The following PTPRD variants were observed in gnomAD, a reference collection of about 807,000 sequenced individuals.
PTPRD encodes the protein protein tyrosine phosphatase receptor type D.
Under a neutral mutation model 214.5 loss-of-function variants are expected in PTPRD, and 34 were observed. The observed-to-expected ratio is 0.16, with a 90% CI of 0.12 to 0.21. The LOEUF (loss-of-function observed/expected upper bound fraction) is 0.21. PTPRD is among the 10% of genes least tolerant of loss of function. The pLI, the probability that PTPRD is intolerant of heterozygous loss-of-function variation, is 1.00. For synonymous variants in PTPRD, 1,128 were observed against 845.7 expected (o/e 1.33, Z -5.79); for missense variants, 2,545 against 2,398.7 (o/e 1.06, Z -1.27).
chr9:10,183,519 G>C (rs547537339), intron 3 of PTPRD, among the ~76,000 whole-genome samples: 1 of 152,216 alleles, frequency 6.6e-6, no homozygotes, highest in African/African-American at 2.4e-5. Context: ...ATCAGCATGA[G>C]GAATTATTTA....
At chr9:8,506,479 A>T (rs1168340780) in intron 22 of PTPRD, among the ~76,000 whole-genome samples, 1 of 152,178 alleles carries the variant, frequency 6.6e-6, no homozygotes, top group Non-Finnish European at 1.5e-5. Context: ...AGTAGACCCT[A>T]ACCGTTAACA....
intron 35 of PTPRD, among the ~76,000 whole-genome samples, chr9:8,421,451 G>C (rs549834283): frequency 6.6e-6 from 1 of 151,260 alleles, no homozygotes; most frequent in Non-Finnish European, 1.5e-5. Flanking sequence ...CTAGTCACAG[G>C]AATATCCTGA....
At chr9:9,553,874 G>C (rs542003683) in intron 8 of PTPRD, among the ~76,000 whole-genome samples, 1 of 151,944 alleles carries the variant, frequency 6.6e-6, no homozygotes, top group South Asian at 2.1e-4. Flanking sequence ...GCTGATTATT[G>C]GGCCCTACTG....
At chr9:8,793,185 A>G (rs922695044) in intron 11 of PTPRD, among the ~76,000 whole-genome samples, 5 of 152,162 alleles carry the variant, frequency 3.3e-5, no homozygotes, top group African/African-American at 1.2e-4. Flanking sequence ...ATGCCATACA[A>G]TGATGGTATG....
At chr9:9,071,981 C>G (rs2099744400) in intron 10 of PTPRD, among the ~76,000 whole-genome samples, 1 of 152,070 alleles carries the variant, frequency 6.6e-6, no homozygotes, top group African/African-American at 2.4e-5. Context: ...ACACATCACA[C>G]CCCTTCCTCA....
At chr9:9,101,735 C>A (rs1256226523) in intron 10 of PTPRD, among the ~76,000 whole-genome samples, 1 of 152,124 alleles carries the variant, frequency 6.6e-6, no homozygotes, top group Admixed American at 6.5e-5. Context: ...GAGTTATTCC[C>A]AAATACCCAT....
At chr9:10,231,979 A>AGTGT (rs1211615913) in intron 3 of PTPRD, among the ~76,000 whole-genome samples, 9 of 115,142 alleles carry the variant, frequency 7.8e-5, no homozygotes, top group South Asian at 2.8e-4. Context: ...AGAGAGAGAG[A>AGTGT]GAGAGAGAGA....
chr9:9,251,390 T>C (rs1256058952), intron 9 of PTPRD, among the ~76,000 whole-genome samples: 1 of 152,136 alleles, frequency 6.6e-6, no homozygotes, highest in Non-Finnish European at 1.5e-5. Flanking sequence ...CCTATACATA[T>C]TCATACATAC....
chr9:9,696,653 T>A (rs1005060272), intron 7 of PTPRD, among the ~76,000 whole-genome samples: 2 of 152,208 alleles, frequency 1.3e-5, no homozygotes, highest in African/African-American at 2.4e-5. Context: ...TTGCATAAAC[T>A]ATCTTATTCC....
At chr9:10,442,333 G>A (rs1326097617) in intron 2 of PTPRD, among the ~76,000 whole-genome samples, 1 of 151,632 alleles carries the variant, frequency 6.6e-6, no homozygotes. Context: ...TTTCTGAATA[G>A]GTTTTAGTAG....
At chr9:8,717,919 C>A (rs1208518414) in intron 12 of PTPRD, among the ~76,000 whole-genome samples, 1 of 152,180 alleles carries the variant, frequency 6.6e-6, no homozygotes, top group African/African-American at 2.4e-5. Context: ...CTACCTCCTG[C>A]CCTGAATTCC....
intron 2 of PTPRD, among the ~76,000 whole-genome samples, chr9:10,412,976 G>A (rs2098452722): frequency 6.6e-6 from 1 of 151,752 alleles, no homozygotes; most frequent in Admixed American, 6.6e-5. Flanking sequence ...AATAATAAAA[G>A]CCACCCATGG....
At chr9:10,073,521 A>T (rs1220410878) in intron 3 of PTPRD, among the ~76,000 whole-genome samples, 2 of 152,180 alleles carry the variant, frequency 1.3e-5, no homozygotes, top group Admixed American at 1.3e-4. Flanking sequence ...AATAAATCCC[A>T]GTAAGCATGC....
intron 4 of PTPRD, among the ~76,000 whole-genome samples, chr9:9,982,175 T>C (rs1294913384): frequency 1.3e-5 from 2 of 152,310 alleles, no homozygotes; most frequent in East Asian, 3.9e-4. Context: ...AATACAGATC[T>C]GTGCCAAGAA....
intron 10 of PTPRD, among the ~76,000 whole-genome samples, chr9:9,086,739 G>C (rs1185856373): frequency 1.3e-5 from 2 of 152,058 alleles, no homozygotes; most frequent in Non-Finnish European, 2.9e-5. Context: ...ATTTGGGCTG[G>C]ATAAAAGCAT....
At chr9:10,450,840 TG>T (rs1249702529) in intron 2 of PTPRD, among the ~76,000 whole-genome samples, 1 of 151,924 alleles carries the variant, frequency 6.6e-6, no homozygotes, top group Non-Finnish European at 1.5e-5. Context: ...TGTTATTATT[TG>T]GGGGGCACTT....
Position 8,484,397 on chromosome 9 carries a change from T to TAAAA in PTPRD, c.3154-23_3154-20dup. 6.8e-7 allele frequency: 1 copy of TAAAA among 1,461,722 alleles called. No homozygotes were observed. The highest frequency in any genetic ancestry group is 9.2e-7 in the Non-Finnish European group (1 of 1,081,902). The allele number at this position is 1,461,722 out of a possible 1,614,324, so 90.5% of individuals were successfully genotyped here. ...AAAGAATCTAAAGAGATAAAACCAA[T>TAAAA]AAAAAAAAAATCTGGTTATCAGAGA... On this transcript the variant is annotated intron_variant, in intron 29 of 45. Coordinates refer to ENST00000381196, the MANE Select transcript of PTPRD (RefSeq NM_002839.4).
chr9:10,325,260 T>TTGTTA (rs1224933265), intron 3 of PTPRD, among the ~76,000 whole-genome samples: 6 of 151,952 alleles, frequency 3.9e-5, no homozygotes, highest in African/African-American at 1.4e-4. Context: ...GCTGCTACTA[T>TTGTTA]TGTTATGCTG....
chr9:9,530,916 G>T (rs1354264901), intron 8 of PTPRD, among the ~76,000 whole-genome samples: 1 of 152,080 alleles, frequency 6.6e-6, no homozygotes, highest in Non-Finnish European at 1.5e-5. Flanking sequence ...ATGAGGAGGG[G>T]TTGGTGAATG....
Sources: gnomAD v4.1 joint callset for allele counts (sites outside exome capture counted in the v4.1 genomes callset) on GRCh38, gnomAD v4.1.1 for gene constraint, MANE v1.5 for transcripts, NCBI Gene and HGNC (gene_info 2026-07-23, HGNC 2026-07-21) for gene names.